Variants in GPHN observed in about 807,000 individuals in gnomAD.
GPHN encodes gephyrin.
GPHN carries 17 observed loss-of-function variants against 95.5 expected under a neutral mutation model. The ratio of observed to expected loss-of-function variants is 0.18; its 90% CI spans 0.12 to 0.27. The LOEUF is 0.27. GPHN is among the 10% of genes least tolerant of loss of function. The pLI is 1.00. For missense variants in GPHN, 660 were observed against 978.1 expected, an observed-to-expected ratio of 0.67 and a Z score of 4.34; for synonymous variants, 320 against 322.5, an observed-to-expected ratio of 0.99 and a Z score of 0.08.
chr14:66,666,786 A>G (rs574140372), intron 1 of GPHN, among the ~76,000 whole-genome samples: 94 of 152,278 alleles, frequency 6.2e-4, no homozygotes, highest in Non-Finnish European at 1.3e-3. Context: ...TTCTGGCCAG[A>G]GCAATCAGGC....
At chr14:66,874,752 A>T (rs1161693917) in intron 4 of GPHN, among the ~76,000 whole-genome samples, 1 of 152,216 alleles carries the variant, frequency 6.6e-6, no homozygotes, top group Non-Finnish European at 1.5e-5. Flanking sequence ...GAAATATGGG[A>T]CTGTGTGAAA....
At chr14:67,100,749 G>A (rs1328929110) in intron 12 of GPHN, 107 bp from the exon 13 acceptor site, 16 of 764,594 alleles carry the variant, frequency 2.1e-5, no homozygotes, top group South Asian at 1.0e-4. Context: ...ACTTCTCTAA[G>A]CCTTATCAAA....
chr14:66,791,170 A>G (rs138604380), intron 3 of GPHN, among the ~76,000 whole-genome samples: 1 of 152,186 alleles, frequency 6.6e-6, no homozygotes, highest in South Asian at 2.1e-4. Flanking sequence ...TGGGACTCAA[A>G]CCCAATCCCA....
At chr14:67,381,762 C>CTTT in the GPHN span, 6 of 825,720 alleles carry the variant, frequency 7.3e-6, no homozygotes, top group Non-Finnish European at 7.2e-6. Flanking sequence ...ATCTTTGTTT[C>CTTT]TTTTTTTTTT....
intron 1 of GPHN, among the ~76,000 whole-genome samples, chr14:66,619,185 T>C (rs904496449): frequency 6.6e-6 from 1 of 152,186 alleles, no homozygotes; most frequent in Non-Finnish European, 1.5e-5. Flanking sequence ...ACAAATAAAA[T>C]GTACATGTGT....
At chr14:67,489,119 CAT>C in the GPHN span, among the ~76,000 whole-genome samples, 7 of 152,312 alleles carry the variant, frequency 4.6e-5, no homozygotes, top group Non-Finnish European at 1.0e-4. Flanking sequence ...TAGCAACTAA[CAT>C]ATGGATGGAA....
intron 21 of GPHN, among the ~76,000 whole-genome samples, chr14:67,169,871 G>A (rs1164162570): frequency 6.6e-6 from 1 of 152,218 alleles, no homozygotes; most frequent in East Asian, 1.9e-4. Context: ...GAGGTCAGGA[G>A]TTCAAGACCA....
chr14:67,370,150 C>T, the GPHN span, among the ~76,000 whole-genome samples: 1 of 152,242 alleles, frequency 6.6e-6, no homozygotes, highest in Non-Finnish European at 1.5e-5. Context: ...CTTAAGAATG[C>T]CTTTAAGCAG....
intron 2 of GPHN, among the ~76,000 whole-genome samples, chr14:66,747,783 ATAAAT>A (rs1382930052): frequency 1.3e-5 from 2 of 152,148 alleles, no homozygotes; most frequent in Admixed American, 6.5e-5. Flanking sequence ...AAATGATTAC[ATAAAT>A]TAAATAAGCA....
chr14:66,978,666 T>C (rs1023346603), intron 9 of GPHN, among the ~76,000 whole-genome samples: 7 of 152,180 alleles, frequency 4.6e-5, no homozygotes, highest in African/African-American at 1.7e-4. Context: ...TAAACATCCA[T>C]ATGGTTGGAA....
chr14:67,437,112 G>C, the GPHN span, among the ~76,000 whole-genome samples: 1 of 152,154 alleles, frequency 6.6e-6, no homozygotes, highest in Non-Finnish European at 1.5e-5. Flanking sequence ...CTGGCATCCT[G>C]TTGTGACTTA....
chr14:66,894,565 T>C (rs541378313), intron 5 of GPHN, among the ~76,000 whole-genome samples: 1 of 151,870 alleles, frequency 6.6e-6, no homozygotes, highest in Non-Finnish European at 1.5e-5. Flanking sequence ...ACCATCAGAG[T>C]GAATAGGCAG....
At chr14:66,910,221 A>C (rs1425808596) in intron 5 of GPHN, among the ~76,000 whole-genome samples, 1 of 152,034 alleles carries the variant, frequency 6.6e-6, no homozygotes, top group Non-Finnish European at 1.5e-5. Context: ...GTTTAGATTT[A>C]AGTTTAAAAT....
At chr14:66,793,177 G>A (rs1057038621) in intron 3 of GPHN, among the ~76,000 whole-genome samples, 1 of 152,256 alleles carries the variant, frequency 6.6e-6, no homozygotes, top group African/African-American at 2.4e-5. Flanking sequence ...CCAGATTTTG[G>A]GGGGCCTGTT....
At chr14:67,561,292 A>G in the GPHN span, among the ~76,000 whole-genome samples, 4 of 152,224 alleles carry the variant, frequency 2.6e-5, no homozygotes, top group African/African-American at 9.6e-5. Context: ...TCACACCTGT[A>G]GTCCCAGCAG....
At chr14:67,427,105 T>G in the GPHN span, among the ~76,000 whole-genome samples, 2 of 150,446 alleles carry the variant, frequency 1.3e-5, no homozygotes, top group Admixed American at 6.6e-5. Context: ...GTAGCCAGAG[T>G]GTATTGTGTC....
At chr14:66,565,774 TG>T (rs1317782971) in intron 1 of GPHN, among the ~76,000 whole-genome samples, 2 of 152,226 alleles carry the variant, frequency 1.3e-5, no homozygotes, top group African/African-American at 4.8e-5. Context: ...ATGTAATATA[TG>T]TGTGAACTAA....
intron 1 of GPHN, among the ~76,000 whole-genome samples, chr14:66,570,499 T>A (rs1705981940): frequency 6.6e-6 from 1 of 152,008 alleles, no homozygotes; most frequent in African/African-American, 2.4e-5. Context: ...AGGGACAGGG[T>A]TTCACTATGT....
chr14:67,210,697 C>A, the GPHN span, among the ~76,000 whole-genome samples: 1 of 151,562 alleles, frequency 6.6e-6, no homozygotes, highest in Admixed American at 6.6e-5. Context: ...CATTGGGAGA[C>A]AGTTTAACAC....
Sources: allele counts gnomAD v4.1 joint callset (sites outside exome capture counted in the v4.1 genomes callset), GRCh38; gene constraint gnomAD v4.1.1; transcripts MANE v1.5; gene names NCBI Gene and HGNC (gene_info 2026-07-23, HGNC 2026-07-21).